ANK3: variants seen among roughly 807,000 people sequenced by gnomAD.
The protein encoded by ANK3 is ankyrin-3.
A neutral mutation model predicts 370.9 loss-of-function variants in ANK3; 57 were observed. The observed-to-expected ratio is 0.15, with a 90% CI of 0.12 to 0.19. The LOEUF (loss-of-function observed/expected upper bound fraction) is 0.19, where lower values mean the gene tolerates loss of function less well. Among genes scored for constraint, ANK3 ranks in the 10% least tolerant of loss-of-function variants. The probability of loss-of-function intolerance (pLI) is 1.00; values close to 1 mark genes in which losing one functional copy is unlikely to be tolerated. For synonymous variants in ANK3, 1,929 were observed against 1,946.3 expected (o/e 0.99, Z 0.23); for missense variants, 4,439 against 5,302.1 (o/e 0.84, Z 5.06).
At chr10:60,393,397 T>C (rs966180817), upstream of ANK3, among the ~76,000 whole-genome samples, 7 of 152,212 alleles carry the variant, frequency 4.6e-5, no homozygotes, top group Non-Finnish European at 7.3e-5. Context: ...TTTAATTTAT[T>C]ACCAGAACTA....
chr10:60,640,240 A>G (rs1027132608), intron 1 of ANK3, among the ~76,000 whole-genome samples: 9 of 150,958 alleles, frequency 6.0e-5, no homozygotes, highest in African/African-American at 2.2e-4. Flanking sequence ...TCCTTCTGAA[A>G]CTATTCCAAT....
chr10:60,178,401 A>C (rs931730608), intron 18 of ANK3, among the ~76,000 whole-genome samples: 2 of 152,172 alleles, frequency 1.3e-5, no homozygotes, highest in Non-Finnish European at 2.9e-5. Flanking sequence ...CAGTTTCCTC[A>C]TCTGTAAGAC....
At chr10:60,270,037 A>G (rs1255611981) in intron 5 of ANK3, 94 bp downstream of exon 5, 4 of 693,718 alleles carry the variant, frequency 5.8e-6, no homozygotes, top group African/African-American at 3.7e-5. Context: ...TAAAACTTCA[A>G]TTGAAATACT....
At chr10:60,494,828 T>C (rs927285527) in intron 2 of ANK3, among the ~76,000 whole-genome samples, 1 of 152,214 alleles carries the variant, frequency 6.6e-6, no homozygotes, top group African/African-American at 2.4e-5. Context: ...ACAGATTTGA[T>C]GGTATATCGA....
Position 60,231,625 on chromosome 10 carries a change from C to CCTTT in ANK3, c.897+3059_897+3062dup, listed in dbSNP as rs1164201843. On this transcript the variant is annotated intron_variant, in intron 8 of 43. Transcript: ENST00000280772. ...TTCTGACATTTTAGCCCGCTCCTTC[C>CCTTT]CTTTCACCCACACACCCAATCACTA... Among the ~76,000 whole-genome samples the CCTTT allele has an allele frequency of 2.0e-5, 3 of 152,130 alleles. No homozygotes were observed. The East Asian group carries it at 5.8e-4, about 29-fold the overall frequency.
intron 1 of ANK3, among the ~76,000 whole-genome samples, chr10:60,384,171 G>T (rs1273121071): frequency 6.6e-6 from 1 of 152,056 alleles, no homozygotes; most frequent in East Asian, 1.9e-4. Context: ...ATAACCCATG[G>T]GAATCCTCTG....
chr10:60,079,217 A>ACACACACACACACC (rs2084580445), intron 36 of ANK3, among the ~76,000 whole-genome samples: 1 of 142,586 alleles, frequency 7.0e-6, no homozygotes, highest in Non-Finnish European at 1.5e-5. Flanking sequence ...ACACACACAC[A>ACACACACACACACC]CACACACACC....
chr10:60,469,421 A>ATATATATACCACTTTTAGTG (rs2065130126), intron 2 of ANK3, among the ~76,000 whole-genome samples: 2 of 14 alleles, frequency 0.14, 1 homozygote, highest in Non-Finnish European at 0.25. Context: ...TGGTATATAT[A>ATATATATACCACTTTTAGTG]TATATATATA....
exon 1 of ANK3, chr10:60,733,435 A>G (rs2080056768): frequency 4.2e-6 from 4 of 961,286 alleles, no homozygotes; most frequent in Non-Finnish European, 5.4e-6. Context: ...CGGCTCAGGA[A>G]CACCAAGCGC....
intron 7 of ANK3, among the ~76,000 whole-genome samples, chr10:60,237,691 A>G (rs1177694219): frequency 6.6e-6 from 1 of 152,038 alleles, no homozygotes; most frequent in Non-Finnish European, 1.5e-5. Flanking sequence ...ATAGGTATAC[A>G]TGTGCCATGC....
chr10:60,572,722 T>A (rs1344332368), intron 2 of ANK3: 1 of 1,376,034 alleles, frequency 7.3e-7, no homozygotes, highest in African/African-American at 1.5e-5. Context: ...CCTGTTCAGC[T>A]TTCCTCAGGA....
chr10:60,084,973 C>A, intron 31 of ANK3, 143 bp from the exon 32 acceptor site: 2 of 757,862 alleles, frequency 2.6e-6, no homozygotes, highest in South Asian at 2.2e-5. Flanking sequence ...AGCAAAGATG[C>A]TTTTTCGATG....
chr10:60,043,580 A>T (rs1012455196), intron 42 of ANK3: 21 of 985,334 alleles, frequency 2.1e-5, no homozygotes, highest in South Asian at 1.9e-4. Context: ...CCTCAGACGA[A>T]GATGGAGGAA....
At chr10:60,440,706 G>A (rs887135959) in intron 2 of ANK3, among the ~76,000 whole-genome samples, 4 of 152,146 alleles carry the variant, frequency 2.6e-5, no homozygotes, top group African/African-American at 9.7e-5. Context: ...CTTTAGGAGT[G>A]GGGAACAGGA....
chr10:60,037,676 T>G (rs1589090754), intron 43 of ANK3, among the ~76,000 whole-genome samples: 1 of 152,358 alleles, frequency 6.6e-6, no homozygotes, highest in South Asian at 2.1e-4. Flanking sequence ...GTGTACATTT[T>G]CTTTATCCAG....
intron 2 of ANK3, among the ~76,000 whole-genome samples, chr10:60,561,890 C>T (rs562370935): frequency 2.7e-4 from 41 of 152,320 alleles, no homozygotes; most frequent in African/African-American, 8.9e-4. Flanking sequence ...GAGCCCTAGC[C>T]TCTCTCCACT....
At chr10:60,095,534 C>G (rs1020302248) in intron 28 of ANK3, among the ~76,000 whole-genome samples, 6 of 152,156 alleles carry the variant, frequency 3.9e-5, no homozygotes, top group Admixed American at 6.6e-5. Flanking sequence ...ATGTACATCA[C>G]CACGCCCTGC....
intron 8 of ANK3, among the ~76,000 whole-genome samples, chr10:60,231,301 G>A (rs912222573): frequency 6.6e-6 from 1 of 152,156 alleles, no homozygotes; most frequent in Admixed American, 6.5e-5. Flanking sequence ...CTTTTAAACT[G>A]AATCCTCTAT....
chr10:60,377,709 C>G (rs950145225), intron 1 of ANK3, among the ~76,000 whole-genome samples: 3 of 152,118 alleles, frequency 2.0e-5, no homozygotes, highest in East Asian at 1.9e-4. Context: ...GAATAATCTG[C>G]GAACAGAATA....
Sources: gnomAD v4.1 joint callset for allele counts (sites outside exome capture counted in the v4.1 genomes callset) on GRCh38, gnomAD v4.1.1 for gene constraint, MANE v1.5 for transcripts, NCBI Gene and HGNC (gene_info 2026-07-23, HGNC 2026-07-21) for gene names.